The following FAM107B variants were observed in gnomAD, a reference collection of about 807,000 sequenced individuals.
FAM107B encodes protein FAM107B.
Under a neutral mutation model 31.5 loss-of-function variants are expected in FAM107B, and 21 were observed. The ratio of observed to expected loss-of-function variants is 0.67; its 90% CI spans 0.47 to 0.96. The LOEUF (loss-of-function observed/expected upper bound fraction) is 0.96. Among genes scored for constraint, FAM107B ranks in the 40% least tolerant of loss-of-function variants. FAM107B has a pLI of 0.00. For missense variants in FAM107B, 452 were observed against 377.1 expected, an observed-to-expected ratio of 1.20 and a Z score of -1.64; for synonymous variants, 157 against 141.5, an observed-to-expected ratio of 1.11 and a Z score of -0.78.
At chr10:14,571,683 A>G (rs993499574) in intron 2 of FAM107B, 1 of 750,742 alleles carries the variant, frequency 1.3e-6, no homozygotes, top group African/African-American at 1.9e-5. Flanking sequence ...TGTGTTAACA[A>G]GTCTAAGTTC....
At chr10:14,736,902 C>A (rs138810220) in intron 1 of FAM107B, among the ~76,000 whole-genome samples, 3 of 152,286 alleles carry the variant, frequency 2.0e-5, no homozygotes, top group African/African-American at 7.2e-5. Context: ...CCCACTGAAG[C>A]CTTGATAATG....
rs1019288455 is a variant in FAM107B at position 14,724,780 on chromosome 10, A to G, written c.411+49473T>C. ...GAAAAAGACTGAAGGAAACGACAGA[A>G]GCTCATCCACACTGAAGAGTGAAGT... On this transcript the variant is annotated intron_variant, in intron 1 of 4. Coordinates refer to ENST00000181796, the MANE Select transcript of FAM107B (RefSeq NM_031453.4). Among the ~76,000 whole-genome samples, 4 of 152,268 alleles carry G rather than the reference A, an allele frequency of 2.6e-5. No individual in the cohort carries two copies. In the East Asian group the frequency reaches 7.7e-4, roughly 29 times the overall value.
chr10:14,671,386 G>A (rs1045675889), intron 1 of FAM107B, among the ~76,000 whole-genome samples: 1 of 152,166 alleles, frequency 6.6e-6, no homozygotes, highest in African/African-American at 2.4e-5. Context: ...GGGGGAAACA[G>A]GGACTCTTAC....
intron 1 of FAM107B, among the ~76,000 whole-genome samples, chr10:14,720,430 T>G (rs1430592689): frequency 6.6e-6 from 1 of 152,100 alleles, no homozygotes; most frequent in Admixed American, 6.6e-5. Flanking sequence ...ATTTCTGTAT[T>G]TTTAGTAGAG....
At chr10:14,564,241 TTG>T (rs1850476148) in intron 2 of FAM107B, among the ~76,000 whole-genome samples, 1 of 152,172 alleles carries the variant, frequency 6.6e-6, no homozygotes, top group South Asian at 2.1e-4. Flanking sequence ...TCCATTGACA[TTG>T]TGTTTGCTTG....
intron 1 of FAM107B, among the ~76,000 whole-genome samples, chr10:14,694,820 G>A (rs1308453387): frequency 6.6e-6 from 1 of 152,044 alleles, no homozygotes; most frequent in African/African-American, 2.4e-5. Flanking sequence ...TGTCTGTTCA[G>A]GTCTTTTGAC....
chr10:14,722,994 C>T (rs2688858), intron 1 of FAM107B, among the ~76,000 whole-genome samples: 99,617 of 152,078 alleles, frequency 0.66, 33,613 homozygotes, highest in African/African-American at 0.83. Context: ...TTTTGGTATA[C>T]AGTGTGAGGT....
intron 2 of FAM107B, among the ~76,000 whole-genome samples, chr10:14,635,663 G>T (rs947656150): frequency 1.3e-5 from 2 of 151,868 alleles, no homozygotes; most frequent in Non-Finnish European, 2.9e-5. Context: ...ATGCAGTCTC[G>T]TTCTGTCACC....
chr10:14,660,512 TC>T (rs1854206275), intron 2 of FAM107B, among the ~76,000 whole-genome samples: 1 of 152,222 alleles, frequency 6.6e-6, no homozygotes, highest in East Asian at 1.9e-4. Context: ...ACTGTTAATC[TC>T]CCTCTCTCTA....
chr10:14,754,539 T>C (rs1221785631), intron 1 of FAM107B, among the ~76,000 whole-genome samples: 2 of 152,206 alleles, frequency 1.3e-5, no homozygotes, highest in African/African-American at 4.8e-5. Context: ...GAGGATGTGA[T>C]GATCTAAAAC....
intron 1 of FAM107B, among the ~76,000 whole-genome samples, chr10:14,718,362 G>T (rs1855828483): frequency 6.7e-6 from 1 of 149,780 alleles, no homozygotes; most frequent in Non-Finnish European, 1.5e-5. Context: ...AGGAAGGGAG[G>T]GAGGGAAAGA....
At chr10:14,602,364 C>G (rs748115772) in intron 2 of FAM107B, 10 of 152,146 alleles carry the variant, frequency 6.6e-5, no homozygotes, top group Non-Finnish European at 1.5e-4. Flanking sequence ...TCTCAAAGAC[C>G]TCTATTTTGC....
chr10:14,639,820 T>C (rs1362355040), intron 2 of FAM107B, among the ~76,000 whole-genome samples: 1 of 152,202 alleles, frequency 6.6e-6, no homozygotes, highest in African/African-American at 2.4e-5. Context: ...AGCACAGTCA[T>C]CTGAATCTAA....
At chr10:14,539,543 TCAAA>T (rs1318828035) in intron 2 of FAM107B, among the ~76,000 whole-genome samples, 2 of 152,026 alleles carry the variant, frequency 1.3e-5, no homozygotes, top group South Asian at 2.1e-4. Flanking sequence ...AGTTGGATAT[TCAAA>T]CAAACTTAGA....
intron 1 of FAM107B, among the ~76,000 whole-genome samples, chr10:14,727,027 T>C (rs1856050341): frequency 6.6e-6 from 1 of 151,886 alleles, no homozygotes; most frequent in South Asian, 2.1e-4. Context: ...TCATCAGGCA[T>C]TAGATTCTCA....
chr10:14,589,648 G>A (rs1481771853), intron 2 of FAM107B, among the ~76,000 whole-genome samples: 3 of 152,046 alleles, frequency 2.0e-5, no homozygotes, highest in Non-Finnish European at 4.4e-5. Flanking sequence ...GTACATTCTT[G>A]GGGGATGAGG....
chr10:14,754,692 C>T (rs1232365563), intron 1 of FAM107B, among the ~76,000 whole-genome samples: 1 of 152,198 alleles, frequency 6.6e-6, no homozygotes, highest in Non-Finnish European at 1.5e-5. Flanking sequence ...CACTGTGATG[C>T]CTGCCCTGAC....
intron 1 of FAM107B, among the ~76,000 whole-genome samples, chr10:14,687,872 T>A (rs1031761174): frequency 6.6e-6 from 1 of 152,150 alleles, no homozygotes; most frequent in African/African-American, 2.4e-5. Flanking sequence ...AAAACAGTCA[T>A]GTACACACAT....
Position 14,705,339 on chromosome 10 carries a change from G to A in FAM107B, c.412-37648C>T, listed in dbSNP as rs185649233. 2.4e-3 allele frequency among the ~76,000 whole-genome samples: 369 copies of A among 152,242 alleles called. 1 individual carries two copies. Among genetic ancestry groups the A allele is most frequent in the African/African-American group, 8.3e-3 (345 of 41,528 alleles). On this transcript the variant is annotated intron_variant, in intron 1 of 4. Coordinates refer to ENST00000181796, the MANE Select transcript of FAM107B (RefSeq NM_031453.4). Reference sequence around the variant, plus strand: ...ATAATTACACATACAACTACCCTATGAGCCAGCAATTAGACTTCTGCATAT... The same window carrying A: ...ATAATTACACATACAACTACCCTATAAGCCAGCAATTAGACTTCTGCATAT...
Sources: gnomAD v4.1 joint callset for allele counts (sites outside exome capture counted in the v4.1 genomes callset) on GRCh38, gnomAD v4.1.1 for gene constraint, MANE v1.5 for transcripts, NCBI Gene and HGNC (gene_info 2026-07-23, HGNC 2026-07-21) for gene names.